Variants in GFPT2 observed in about 807,000 individuals in gnomAD.
GFPT2 encodes the protein glutamine--fructose-6-phosphate transaminase 2, also known as glutamine--fructose-6-phosphate aminotransferase [isomerizing] 2.
In GFPT2, 62 loss-of-function variants were observed where a neutral mutation model predicts 85.6. The observed-to-expected ratio is 0.72, with a 90% confidence interval of 0.59 to 0.90. The LOEUF (loss-of-function observed/expected upper bound fraction) is 0.90. Ranked by LOEUF, GFPT2 falls within the 40% of genes least tolerant of loss-of-function variation. The probability of loss-of-function intolerance (pLI) is 0.00; values close to 1 mark genes in which losing one functional copy is unlikely to be tolerated. For missense variants in GFPT2, 788 were observed against 893.4 expected, an observed-to-expected ratio of 0.88 and a Z score of 1.50; for synonymous variants, 368 against 344.5, an observed-to-expected ratio of 1.07 and a Z score of -0.75.
chr5:180,324,722 C>T, intron 8 of GFPT2, 94 bp downstream of exon 8: 3 of 845,334 alleles, frequency 3.5e-6, no homozygotes, highest in South Asian at 1.3e-5. Context: ...AGTGGGGTTT[C>T]CTTGCCTCAG....
chr5:180,324,141 C>A, intron 9 of GFPT2, 47 bp downstream of exon 9: 2 of 1,055,442 alleles, frequency 1.9e-6, no homozygotes, highest in East Asian at 2.4e-5. Context: ...GACAGGCATT[C>A]TTTGATTATG....
In GFPT2 at chr5:180,335,692, T is replaced by C. The variant is rs963875163; in HGVS notation, c.340+136A>G. On this transcript the variant is annotated intron_variant, in intron 4 of 18. Transcript: ENST00000253778. The stretch of plus-strand genomic sequence containing the variant: ...TGGCAGAGCTCTGGGAGAGGGGACA[T>C]CCGCATTCTCTTGGGAAGATGAAGT... 3 of 912,398 alleles carry C rather than the reference T, an allele frequency of 3.3e-6. No homozygotes were observed. In the African/African-American group the frequency reaches 5.3e-5, roughly 16 times the overall value. The allele number at this position is 912,398 out of a possible 1,614,324, so 56.5% of individuals were successfully genotyped here. A position where few individuals can be genotyped will look rare whatever the true frequency, so the allele number is the denominator to read the frequency against.
In GFPT2 at chr5:180,335,834, C is replaced by G. The variant is rs1227116295; in HGVS notation, c.334G>C (p.Gly112Arg). Residue 112 changes from glycine to arginine, a missense_variant, in exon 4 of 19, where the codon GGC becomes CGC. Transcript: ENST00000253778. The stretch of plus-strand genomic sequence containing the variant: ...GGGGAAGCATGCCACATACCGTTGC[C>G]TTTGTCTGAGCGCTGAGGGTGGCTG... ...VNSHPQRSDK[G>R]NEFVVIHNGI... is the part of the protein sequence containing the mutation. The G allele has an allele frequency of 1.2e-6, 2 of 1,601,372 alleles. No homozygotes were observed. Among genetic ancestry groups the G allele is most frequent in the Admixed American group, 3.5e-5 (2 of 57,718 alleles).
At chr5:180,334,375 T>C (rs933617950) in intron 4 of GFPT2, among the ~76,000 whole-genome samples, 3 of 152,150 alleles carry the variant, frequency 2.0e-5, no homozygotes, top group Admixed American at 6.5e-5. Flanking sequence ...CCACTGCACT[T>C]TCTGTGGGTG....
At chr5:180,333,682 C>T (rs114455092) in intron 4 of GFPT2, among the ~76,000 whole-genome samples, 6,318 of 152,250 alleles carry the variant, frequency 0.041, 222 homozygotes, top group East Asian at 0.12. Flanking sequence ...AGTTGCTGGG[C>T]GTTCAGACTT....
intron 1 of GFPT2, 52 bp downstream of exon 1, chr5:180,353,159 C>T: frequency 2.4e-6 from 3 of 1,226,860 alleles, no homozygotes; most frequent in Middle Eastern, 3.0e-4. Flanking sequence ...GCTGCGGCGC[C>T]GGGACCCGCG....
Position 180,321,422 on chromosome 5 carries a change from G to A in GFPT2, c.795-2466C>T, listed in dbSNP as rs1187813700. On this transcript the variant is annotated intron_variant, in intron 9 of 18. Coordinates refer to ENST00000253778, the MANE Select transcript of GFPT2 (RefSeq NM_005110.4). ...CAATGGCCCACCAGTTAGGCTTGAG[G>A]TGGACTCGGGGCCTCTGTCACTTGC... 9.8e-5 allele frequency among the ~76,000 whole-genome samples: 15 copies of A among 152,356 alleles called. No homozygotes were observed. The East Asian group carries it at 2.9e-3, about 29-fold the overall frequency.
chr5:180,315,467 C>T (rs559903045), intron 13 of GFPT2, among the ~76,000 whole-genome samples: 6 of 152,238 alleles, frequency 3.9e-5, no homozygotes, highest in African/African-American at 1.2e-4. Flanking sequence ...CGTGAGCCAC[C>T]GCGCCCGGCC....
rs575113776 is a variant in GFPT2, at chr5:180,324,756, A to G, written c.676+60T>C. 58 of 1,095,204 alleles carry G rather than the reference A, an allele frequency of 5.3e-5. 1 individual carries two copies. The highest frequency in any genetic ancestry group is 7.7e-5 in the African/African-American group (5 of 65,300). 67.8% of individuals were successfully genotyped at this position (1,095,204 alleles called of 1,614,324 possible). A position where few individuals can be genotyped will look rare whatever the true frequency, so the allele number is the denominator to read the frequency against. ...AGAGGGGAGCTGACTGTGCCAGAGC[A>G]GCTGCCGAGTCCTGCGACACCAGCA... On this transcript the variant is annotated intron_variant, in intron 8 of 18. Transcript: ENST00000253778.
At chr5:180,334,499 A>C (rs778620101) in intron 4 of GFPT2, among the ~76,000 whole-genome samples, 2 of 152,202 alleles carry the variant, frequency 1.3e-5, no homozygotes, top group East Asian at 3.9e-4. Flanking sequence ...TGACTTCCAC[A>C]AGGATTAACC....
chr5:180,319,620 C>T lies in GFPT2; in HGVS notation c.795-664G>A, dbSNP rs74502062. On this transcript the variant is annotated intron_variant, in intron 9 of 18. Coordinates refer to ENST00000253778, the MANE Select transcript of GFPT2 (RefSeq NM_005110.4). ...TGAAACCAGAAGGTAAAAAGCTGGA[C>T]GAAGCTTTATCATGGATGGATAAGG... 9.8e-3 allele frequency among the ~76,000 whole-genome samples: 1,484 copies of T among 152,200 alleles called. 29 individuals carry two copies. The highest frequency in any genetic ancestry group is 0.034 in the African/African-American group (1,423 of 41,530).
chr5:180,324,631 G>C (rs983626190), intron 8 of GFPT2, 185 bp downstream of exon 8: 1 of 601,680 alleles, frequency 1.7e-6, no homozygotes, highest in Non-Finnish European at 3.0e-6. Flanking sequence ...ATGATAAAAA[G>C]CTTAAAAAAA....
rs1027714779 is a variant in GFPT2, at chr5:180,318,095, G to T, written c.958+698C>A. Among the ~76,000 whole-genome samples the T allele has an allele frequency of 1.3e-5, 2 of 152,124 alleles. No homozygotes were observed. The highest frequency in any genetic ancestry group is 1.3e-4 in the Admixed American group (2 of 15,272). On this transcript the variant is annotated intron_variant, in intron 10 of 18. Transcript: ENST00000253778. This position sits in a 1 kb window ranked among gnomAD's most constrained non-coding sequence, Gnocchi z 4.2. The stretch of plus-strand genomic sequence containing the variant: ...CAGGAGCAGAGAAGGAGTCTCTGAG[G>T]GGGTGACATTTCAAGGGAGCTGGAG...
chr5:180,352,464 G>T (rs1396378824), intron 1 of GFPT2: 1 of 451,724 alleles, frequency 2.2e-6, no homozygotes, highest in East Asian at 7.2e-5. Context: ...GCTCCGGGCC[G>T]CGGCCGCCCT....
rs1306071844 is a variant in GFPT2, at chr5:180,323,147, A to G, written c.794+1041T>C. 6.6e-6 allele frequency among the ~76,000 whole-genome samples: 1 copy of G among 152,226 alleles called. No homozygotes were observed. The highest frequency in any genetic ancestry group is 1.5e-5 in the Non-Finnish European group (1 of 68,034). On this transcript the variant is annotated intron_variant, in intron 9 of 18. Coordinates refer to ENST00000253778, the MANE Select transcript of GFPT2 (RefSeq NM_005110.4). The surrounding 1 kb of genome is among the most constrained non-coding windows in gnomAD (Gnocchi z 4.0). ...AAACTTCTAAGAAATAAAAGCTTCAACAAATTCTAATGGTACTATGCCAAA... is the reference window on the plus strand; with the variant it reads ...AAACTTCTAAGAAATAAAAGCTTCAGCAAATTCTAATGGTACTATGCCAAA...
At chr5:180,336,436 C>A (rs920380276) in intron 3 of GFPT2, 43 bp downstream of exon 3, 3 of 1,064,818 alleles carry the variant, frequency 2.8e-6, no homozygotes, top group Non-Finnish European at 4.4e-6. Context: ...AGAAAGCGGC[C>A]GGCGCTGCAG....
chr5:180,333,979 G>A (rs553540543), intron 4 of GFPT2, among the ~76,000 whole-genome samples: 8 of 152,270 alleles, frequency 5.3e-5, no homozygotes, highest in South Asian at 2.1e-4. Context: ...TGGTCTGGGC[G>A]CAGTGTTTTC....
intron 1 of GFPT2, among the ~76,000 whole-genome samples, chr5:180,342,311 T>G (rs1370044376): frequency 6.6e-6 from 1 of 152,092 alleles, no homozygotes. Context: ...GAGACATAAG[T>G]CATGTACCGT....
At chr5:180,325,001 G>A (rs1258223517) in intron 7 of GFPT2, 106 bp from the exon 8 acceptor site, 2 of 773,298 alleles carry the variant, frequency 2.6e-6, no homozygotes, top group African/African-American at 3.4e-5. Context: ...CTTTCCCAGT[G>A]GTGGAGGATC....
Sources: allele counts gnomAD v4.1 joint callset (sites outside exome capture counted in the v4.1 genomes callset), GRCh38; gene constraint gnomAD v4.1.1; non-coding constraint Gnocchi (gnomAD v3.1); transcripts MANE v1.5; gene names NCBI Gene and HGNC (gene_info 2026-07-23, HGNC 2026-07-21).